Variants in ANKAR observed in about 807,000 individuals in gnomAD.
ANKAR encodes the protein ankyrin and armadillo repeat containing, also known as ankyrin and armadillo repeat-containing protein.
A neutral mutation model predicts 146.2 loss-of-function variants in ANKAR; 136 were observed. The ratio of observed to expected loss-of-function variants is 0.93; its 90% CI spans 0.81 to 1.07. The LOEUF (loss-of-function observed/expected upper bound fraction) is 1.07, where lower values mean the gene tolerates loss of function less well. Among genes scored for constraint, ANKAR ranks in the 50% least tolerant of loss-of-function variants. The probability of loss-of-function intolerance (pLI) is 0.00; values close to 1 mark genes in which losing one functional copy is unlikely to be tolerated. For missense variants in ANKAR, 1,567 were observed against 1,679.9 expected (o/e 0.93, Z 1.18); for synonymous variants, 500 against 575.8 (o/e 0.87, Z 1.88).
chr2:189,733,871 G>T (rs2042614328), intron 17 of ANKAR, among the ~76,000 whole-genome samples: 1 of 151,312 alleles, frequency 6.6e-6, no homozygotes, highest in Non-Finnish European at 1.5e-5. Context: ...TCTAATCGGG[G>T]TCTCACATTA....
At chr2:189,746,343 C>A in intron 22 of ANKAR, 37 bp from the exon 23 acceptor site, 3 of 1,564,338 alleles carry the variant, frequency 1.9e-6, no homozygotes, top group South Asian at 1.2e-5. Flanking sequence ...ATACCTAGGG[C>A]TCTCAGGAGA....
chr2:189,711,241 T>G, intron 10 of ANKAR, 88 bp downstream of exon 10: 2 of 1,020,514 alleles, frequency 2.0e-6, no homozygotes, highest in Non-Finnish European at 2.7e-6. Flanking sequence ...TATTTTTAAT[T>G]GTAAAGGAAA....
At chr2:189,750,685 T>C (rs757797833), downstream of ANKAR, 8 of 1,524,552 alleles carry the variant, frequency 5.2e-6, no homozygotes, top group Admixed American at 2.2e-5. Flanking sequence ...AATCGTATTA[T>C]TTATTTGCTT....
chr2:189,753,780 T>C (rs888291836), intron 18 of ANKAR: 5 of 949,314 alleles, frequency 5.3e-6, no homozygotes, highest in Middle Eastern at 3.4e-4. Context: ...GTCTTTCCTA[T>C]CCTGCATAAT....
intron 2 of ANKAR, among the ~76,000 whole-genome samples, chr2:189,677,944 G>T (rs182166733): frequency 6.6e-6 from 1 of 152,124 alleles, no homozygotes; most frequent in African/African-American, 2.4e-5. Context: ...TTTCCTCTGG[G>T]TAGATACCTG....
chr2:189,713,961 A>T (rs937531241), intron 10 of ANKAR, among the ~76,000 whole-genome samples: 1 of 152,218 alleles, frequency 6.6e-6, no homozygotes, highest in African/African-American at 2.4e-5. Flanking sequence ...AGGGGTTGCC[A>T]TCCTAGTCTC....
At chr2:189,702,195 T>G (rs1485469541) in intron 7 of ANKAR, among the ~76,000 whole-genome samples, 12 of 152,186 alleles carry the variant, frequency 7.9e-5, no homozygotes, top group Non-Finnish European at 1.8e-4. Flanking sequence ...TAGTTTCTCT[T>G]GAGAGCAGGT....
intron 18 of ANKAR, chr2:189,755,445 C>T: frequency 1.2e-6 from 2 of 1,607,588 alleles, no homozygotes; most frequent in South Asian, 2.2e-5. Flanking sequence ...ATGGTAGTTG[C>T]AATTGCTGAG....
chr2:189,691,608 T>C (rs2036412080), intron 3 of ANKAR, among the ~76,000 whole-genome samples: 1 of 151,676 alleles, frequency 6.6e-6, no homozygotes, highest in African/African-American at 2.4e-5. Flanking sequence ...ACTGGAACAA[T>C]GTTTTGAGCA....
chr2:189,728,717 G>A lies in ANKAR; in HGVS notation c.3089G>A (p.Cys1030Tyr). 1 of 1,614,052 alleles carries A rather than the reference G, an allele frequency of 6.2e-7. No homozygotes were observed. Among genetic ancestry groups the A allele is most frequent in the Non-Finnish European group, 8.5e-7 (1 of 1,179,954 alleles). The change falls in exon 15 of 23, where the codon TGT (cysteine) becomes TAT (tyrosine). Residue 1030 changes from cysteine (C) to tyrosine (Y), a missense_variant. Cys to Tyr is a radical substitution (Grantham distance 194). Transcript: ENST00000684021. ...AGCAGGATGCATCAAAATCAAATAT[G>A]TGAAGGGAATGGAATTGCACCATTG... ...KDSRMHQNQICEGNGIAPLVR... is the reference protein window; with the variant it reads ...KDSRMHQNQIYEGNGIAPLVR...
chr2:189,675,149 A>G (rs895070771), intron 1 of ANKAR, among the ~76,000 whole-genome samples: 1 of 151,978 alleles, frequency 6.6e-6, no homozygotes, highest in Non-Finnish European at 1.5e-5. Context: ...CAGTGGTGGG[A>G]TTCAGCGATT....
chr2:189,688,843 C>T (rs1026402450), intron 2 of ANKAR, among the ~76,000 whole-genome samples: 13 of 152,144 alleles, frequency 8.5e-5, no homozygotes, highest in Admixed American at 6.6e-4. Context: ...AAGGCATTCA[C>T]GTGTACAGCC....
At chr2:189,762,275 T>C (rs1013307303), downstream of ANKAR, among the ~76,000 whole-genome samples, 2 of 152,202 alleles carry the variant, frequency 1.3e-5, no homozygotes, top group African/African-American at 4.8e-5. Context: ...TAGCAGCCCA[T>C]CACTAAAGCA....
chr2:189,693,561 G>A (rs931519969), intron 5 of ANKAR, among the ~76,000 whole-genome samples: 6 of 152,090 alleles, frequency 3.9e-5, no homozygotes, highest in Admixed American at 3.3e-4. Context: ...TTTAATTAGA[G>A]GCAAAGATTT....
chr2:189,732,441 C>T (rs1415706519), intron 16 of ANKAR, among the ~76,000 whole-genome samples: 1 of 152,088 alleles, frequency 6.6e-6, no homozygotes, highest in Non-Finnish European at 1.5e-5. Flanking sequence ...GCAGGCGGAT[C>T]ATGAGGTCAG....
At chr2:189,692,163 C>T in intron 3 of ANKAR, 92 bp from the exon 4 acceptor site, 1 of 1,105,566 alleles carries the variant, frequency 9.0e-7, no homozygotes, top group Non-Finnish European at 1.3e-6. Flanking sequence ...AATTTTCTCA[C>T]TTTGTTTACA....
At chr2:189,740,659 T>C (rs941935977) in intron 19 of ANKAR, among the ~76,000 whole-genome samples, 19 of 151,686 alleles carry the variant, frequency 1.3e-4, no homozygotes, top group African/African-American at 3.6e-4. Context: ...TTAATAAGGC[T>C]TAACTCAAAG....
intron 17 of ANKAR, among the ~76,000 whole-genome samples, chr2:189,736,488 T>G (rs1207754284): frequency 9.1e-6 from 1 of 110,156 alleles, no homozygotes. Context: ...TTTGCCTATT[T>G]AGGTGACTGG....
In ANKAR at chr2:189,717,313, G is replaced by A. The variant is rs146171335; in HGVS notation, c.2225-2259G>A. On this transcript the variant is annotated intron_variant, in intron 10 of 22. Transcript: ENST00000684021. ...ACACTTCTCAAAAGAAGACATTTAT[G>A]TAGACAACAGACACATGAAAAAACG... is the stretch of plus-strand genomic sequence containing the variant. 4.7e-3 allele frequency among the ~76,000 whole-genome samples: 713 copies of A among 152,314 alleles called. 21 individuals are homozygous for A. Among genetic ancestry groups the A allele is most frequent in the Admixed American group, 0.038 (574 of 15,294 alleles).
Sources: gnomAD v4.1 joint callset for allele counts (sites outside exome capture counted in the v4.1 genomes callset) on GRCh38, gnomAD v4.1.1 for gene constraint, MANE v1.5 for transcripts, NCBI Gene and HGNC (gene_info 2026-07-23, HGNC 2026-07-21) for gene names.